The following TMEM68 variants were observed in gnomAD, a reference collection of about 807,000 sequenced individuals.
TMEM68 encodes DGAT1/2-independent enzyme synthesizing storage lipids.
In TMEM68, 25 loss-of-function variants were observed where a neutral mutation model predicts 36.9. That is an observed-to-expected ratio of 0.68 (90% CI 0.49 to 0.95). The LOEUF (loss-of-function observed/expected upper bound fraction) is 0.95, where lower values mean the gene tolerates loss of function less well. TMEM68 is among the 40% of genes least tolerant of loss of function. The pLI is 0.00. For missense variants in TMEM68, 333 were observed against 392.0 expected (o/e 0.85, Z 1.27); for synonymous variants, 131 against 124.4 (o/e 1.05, Z -0.35).
chr8:55,763,049 A>T, intron 2 of TMEM68, 21 bp from the exon 3 acceptor site: 1 of 1,352,136 alleles, frequency 7.4e-7, no homozygotes, highest in Non-Finnish European at 9.9e-7. Context: ...AAAATAATCC[A>T]GTATTATTTT....
At chr8:55,747,920 G>T (rs912065696) in intron 5 of TMEM68, 1 of 151,966 alleles carries the variant, frequency 6.6e-6, no homozygotes, top group South Asian at 2.1e-4. Context: ...CTACTGACTG[G>T]CATGATCCCA....
At chr8:55,758,540 C>T (rs1810677230) in intron 3 of TMEM68, among the ~76,000 whole-genome samples, 1 of 152,252 alleles carries the variant, frequency 6.6e-6, no homozygotes, top group African/African-American at 2.4e-5. Flanking sequence ...AATGCAGTGG[C>T]TCACGCCTGT....
intron 4 of TMEM68, chr8:55,751,669 AATTTTT>A (rs1241941852): frequency 8.3e-6 from 2 of 241,442 alleles, no homozygotes; most frequent in African/African-American, 2.4e-5. Flanking sequence ...TCTATAATTA[AATTTTT>A]AAAATAGCAA....
intron 1 of TMEM68, among the ~76,000 whole-genome samples, chr8:55,769,015 C>CT (rs1233500006): frequency 0.018 from 1,261 of 71,602 alleles, 242 homozygotes; most frequent in South Asian, 0.026. Context: ...GAGACTCTGT[C>CT]TTTAAAAAAA....
At chr8:55,756,682 AGGTGGTGCGGAGT>A (rs1810617729) in intron 3 of TMEM68, among the ~76,000 whole-genome samples, 1 of 152,188 alleles carries the variant, frequency 6.6e-6, no homozygotes, top group Non-Finnish European at 1.5e-5. Context: ...GCACTCACAC[AGGTGGTGCGGAGT>A]GGGGAGTCAG....
intron 7 of TMEM68, among the ~76,000 whole-genome samples, chr8:55,743,166 C>T (rs1298704221): frequency 6.6e-6 from 1 of 152,092 alleles, no homozygotes; most frequent in Non-Finnish European, 1.5e-5. Flanking sequence ...CTGACTTTCT[C>T]CCAAACTCCA....
chr8:55,765,992 AC>A (rs770625871), intron 1 of TMEM68, among the ~76,000 whole-genome samples: 3 of 152,236 alleles, frequency 2.0e-5, no homozygotes, highest in Non-Finnish European at 4.4e-5. Flanking sequence ...CAAGTGACTT[AC>A]ATCCTAGAGG....
chr8:55,758,013 G>C (rs1457632501), intron 3 of TMEM68, among the ~76,000 whole-genome samples: 1 of 152,146 alleles, frequency 6.6e-6, no homozygotes, highest in African/African-American at 2.4e-5. Context: ...CATGAACAAG[G>C]GGTGTGAGGA....
intron 4 of TMEM68, among the ~76,000 whole-genome samples, chr8:55,754,482 CACACACACACATACAT>C (rs1563431896): frequency 1.4e-5 from 2 of 141,274 alleles, no homozygotes; most frequent in African/African-American, 5.3e-5. Context: ...CACACACACA[CACACACACACATACAT>C]ACACACACAC....
chr8:55,765,507 C>T (rs565416316), intron 1 of TMEM68, among the ~76,000 whole-genome samples: 2 of 152,282 alleles, frequency 1.3e-5, no homozygotes, highest in Non-Finnish European at 2.9e-5. Flanking sequence ...ATGGGCTAAT[C>T]TGTGTAAAGA....
intron 1 of TMEM68, among the ~76,000 whole-genome samples, chr8:55,766,369 C>T (rs1485660837): frequency 6.8e-6 from 1 of 146,632 alleles, no homozygotes; most frequent in Non-Finnish European, 1.5e-5. Context: ...GCTTTCTATG[C>T]ACGCTTTTTT....
At position 55,743,461 on chromosome 8, in the gene TMEM68, A is replaced by T; in HGVS notation, c.888+20T>A. The T allele has an allele frequency of 6.6e-7, 1 of 1,512,044 alleles. No individual in the cohort carries two copies. Among genetic ancestry groups the T allele is most frequent in the Non-Finnish European group, 8.8e-7 (1 of 1,140,700 alleles). 93.7% of individuals were successfully genotyped at this position (1,512,044 alleles called of 1,614,324 possible). On this transcript the variant is annotated intron_variant, in intron 7 of 7. Coordinates refer to ENST00000434581, the MANE Select transcript of TMEM68 (RefSeq NM_001286657.2). Reference sequence around the variant, plus strand: ...AAAATAAAAATCTGTCCTAAAACTAAAAAAGAAAAAGCAATTTACCTTTTC... The same window carrying T: ...AAAATAAAAATCTGTCCTAAAACTATAAAAGAAAAAGCAATTTACCTTTTC...
At position 55,740,009 on chromosome 8, in the gene TMEM68, C is replaced by T; in HGVS notation, c.*123G>A. 1.4e-6 allele frequency: 1 copy of T among 697,890 alleles called. No individual in the cohort carries two copies. Among genetic ancestry groups the T allele is most frequent in the Non-Finnish European group, 2.3e-6 (1 of 443,028 alleles). 43.2% of individuals were successfully genotyped at this position (697,890 alleles called of 1,614,324 possible). ...AAAGAAACGAATTCTGTGAAAGATG[C>T]TTATTAACATGATTTTTTTAAAAAA... On this transcript the variant is annotated 3_prime_UTR_variant, in exon 8 of 8. Transcript: ENST00000434581.
At chr8:55,765,290 C>T (rs1295740281) in intron 1 of TMEM68, among the ~76,000 whole-genome samples, 1 of 152,156 alleles carries the variant, frequency 6.6e-6, no homozygotes, top group Non-Finnish European at 1.5e-5. Context: ...CCACAAAATT[C>T]CTTCTCCAGT....
chr8:55,758,561 C>T (rs1245719311), intron 3 of TMEM68, among the ~76,000 whole-genome samples: 3 of 152,212 alleles, frequency 2.0e-5, no homozygotes, highest in African/African-American at 7.2e-5. Context: ...AATCCCAACA[C>T]TTTGGGAGAC....
chr8:55,745,070 C>T lies in TMEM68; in HGVS notation c.739G>A (p.Gly247Arg). Residue 247 changes from glycine to arginine, a missense_variant, in exon 6 of 8, where the codon GGA becomes AGA. Physicochemically the swap from Gly to Arg is moderately radical, Grantham distance 125. Transcript: ENST00000434581. ...QNIREGFRSL[G>R]GTRLFRWLYE... Reference sequence around the variant, plus strand: ...ACAAATCAGAACTTACTTGTTCCTCCAAGTGATCTAAATCCTTCTCGAATA... The same window carrying T: ...ACAAATCAGAACTTACTTGTTCCTCTAAGTGATCTAAATCCTTCTCGAATA... 6.7e-7 allele frequency: 1 copy of T among 1,493,486 alleles called. No individual in the cohort carries two copies. Among genetic ancestry groups the T allele is most frequent in the South Asian group, 1.3e-5 (1 of 76,286 alleles). The allele number at this position is 1,493,486 out of a possible 1,614,324, so 92.5% of individuals were successfully genotyped here. A position where few individuals can be genotyped will look rare whatever the true frequency, so the allele number is the denominator to read the frequency against.
chr8:55,753,027 A>G (rs1274591320), intron 4 of TMEM68, among the ~76,000 whole-genome samples: 1 of 151,912 alleles, frequency 6.6e-6, no homozygotes, highest in Non-Finnish European at 1.5e-5. Flanking sequence ...CATGGCACCC[A>G]CCCTAAAATC....
chr8:55,752,588 A>G (rs1483626975), intron 4 of TMEM68, among the ~76,000 whole-genome samples: 4 of 152,202 alleles, frequency 2.6e-5, no homozygotes, highest in African/African-American at 7.2e-5. Flanking sequence ...ACTGTCTCAA[A>G]AAAAGTAAAA....
chr8:55,740,213 C>T lies in TMEM68; in HGVS notation c.894G>A (p.Lys298=). 1 of 1,612,232 alleles carries T rather than the reference C, an allele frequency of 6.2e-7. No individual in the cohort carries two copies. The highest frequency in any genetic ancestry group is 8.5e-7 in the Non-Finnish European group (1 of 1,179,206). Residue 298 remains lysine, a synonymous_variant, in exon 8 of 8, where the codon AAG becomes AAA. Coordinates refer to ENST00000434581, the MANE Select transcript of TMEM68 (RefSeq NM_001286657.2). ...ITAEELAEKT[K]NAVQALIDKH... ...TATCAATCAAAGCTTGAACAGCATT[C>T]TTCGTCTATTAAGAAAACAAAAGAA...
Sources: allele counts gnomAD v4.1 joint callset (sites outside exome capture counted in the v4.1 genomes callset), GRCh38; gene constraint gnomAD v4.1.1; transcripts MANE v1.5; gene names NCBI Gene and HGNC (gene_info 2026-07-23, HGNC 2026-07-21).